Variants in PKIB observed in about 807,000 individuals in gnomAD.
The protein encoded by PKIB is PKI-beta.
PKIB carries 2 observed loss-of-function variants against 4.5 expected under a neutral mutation model. The observed-to-expected ratio is 0.44, with a 90% CI of 0.18 to 1.39. The LOEUF (loss-of-function observed/expected upper bound fraction) is 1.39. Among genes scored for constraint, PKIB ranks in the 40% most tolerant of loss-of-function variants. The pLI is 0.27. For synonymous variants in PKIB, 38 were observed against 36.0 expected, an observed-to-expected ratio of 1.06 and a Z score of -0.20; for missense variants, 94 against 92.6, an observed-to-expected ratio of 1.02 and a Z score of -0.06.
intron 2 of PKIB, among the ~76,000 whole-genome samples, chr6:122,534,250 A>G (rs920581401): frequency 2.0e-5 from 3 of 151,576 alleles, no homozygotes; most frequent in African/African-American, 2.4e-5. Context: ...TTTCTACACC[A>G]CAGCACAGGG....
chr6:122,663,457 A>G (rs1005379417), intron 2 of PKIB, among the ~76,000 whole-genome samples: 1 of 152,164 alleles, frequency 6.6e-6, no homozygotes, highest in African/African-American at 2.4e-5. Flanking sequence ...AGAAAGTACC[A>G]CAAACTGGGC....
intron 2 of PKIB, among the ~76,000 whole-genome samples, chr6:122,552,027 G>C (rs180767148): frequency 2.6e-5 from 4 of 151,976 alleles, no homozygotes; most frequent in Admixed American, 2.6e-4. Context: ...TTGGTTCTCT[G>C]CTCTCTCCAC....
intron 3 of PKIB, among the ~76,000 whole-genome samples, chr6:122,687,674 T>A (rs1271852102): frequency 2.6e-5 from 4 of 152,130 alleles, no homozygotes; most frequent in African/African-American, 9.7e-5. Context: ...ATTGTAGAGA[T>A]ATTTCACTTC....
chr6:122,524,985 T>C (rs1163138823), intron 2 of PKIB, among the ~76,000 whole-genome samples: 1 of 151,896 alleles, frequency 6.6e-6, no homozygotes, highest in Non-Finnish European at 1.5e-5. Context: ...TAATTTTTAT[T>C]ATTTTTTTCC....
At chr6:122,636,598 C>A (rs1380446392) in intron 2 of PKIB, among the ~76,000 whole-genome samples, 1 of 151,898 alleles carries the variant, frequency 6.6e-6, no homozygotes. Flanking sequence ...ATATTGTATT[C>A]TTGGATGAGA....
intron 2 of PKIB, among the ~76,000 whole-genome samples, chr6:122,650,760 A>C (rs1562285227): frequency 6.6e-6 from 1 of 152,182 alleles, no homozygotes; most frequent in Non-Finnish European, 1.5e-5. Context: ...CATCATGATG[A>C]AATGTGTGTC....
chr6:122,476,300 C>G (rs1035628918), intron 1 of PKIB, among the ~76,000 whole-genome samples: 2 of 151,770 alleles, frequency 1.3e-5, no homozygotes, highest in African/African-American at 2.4e-5. Context: ...AAGGATAAGC[C>G]AAAAATAGAT....
intron 2 of PKIB, among the ~76,000 whole-genome samples, chr6:122,583,843 A>T (rs1217059699): frequency 1.3e-5 from 2 of 152,128 alleles, no homozygotes; most frequent in Non-Finnish European, 2.9e-5. Flanking sequence ...AGAATAGAGC[A>T]AAGAGGCCAA....
chr6:122,705,836 A>G (rs1160036719), intron 3 of PKIB, among the ~76,000 whole-genome samples: 3 of 152,164 alleles, frequency 2.0e-5, no homozygotes, highest in African/African-American at 7.2e-5. Context: ...AAGTGCTGGG[A>G]TTACGGCATG....
chr6:122,561,307 A>G (rs1773005543), intron 2 of PKIB, among the ~76,000 whole-genome samples: 1 of 152,120 alleles, frequency 6.6e-6, no homozygotes, highest in Non-Finnish European at 1.5e-5. Flanking sequence ...CCCAATGCTC[A>G]TTCAGGAGCA....
intron 2 of PKIB, among the ~76,000 whole-genome samples, chr6:122,578,000 G>GA (rs1554221458): frequency 2.0e-5 from 3 of 147,810 alleles, no homozygotes; most frequent in Admixed American, 6.8e-5. Flanking sequence ...AGTTAGAGGA[G>GA]TTTTTTTTTT....
intron 2 of PKIB, among the ~76,000 whole-genome samples, chr6:122,652,532 C>T (rs1776601628): frequency 6.6e-6 from 1 of 152,066 alleles, no homozygotes; most frequent in African/African-American, 2.4e-5. Flanking sequence ...TGATGATAAT[C>T]TCCTTTACTT....
At chr6:122,498,260 T>C (rs949605728) in intron 2 of PKIB, among the ~76,000 whole-genome samples, 1 of 152,210 alleles carries the variant, frequency 6.6e-6, no homozygotes, top group Non-Finnish European at 1.5e-5. Context: ...CATATGGTGG[T>C]GGACAAGGGA....
At chr6:122,497,823 GA>G (rs1421094348) in intron 2 of PKIB, among the ~76,000 whole-genome samples, 1 of 152,086 alleles carries the variant, frequency 6.6e-6, no homozygotes, top group Non-Finnish European at 1.5e-5. Flanking sequence ...AAACTAATAA[GA>G]AAGTCTGGGC....
chr6:122,567,957 A>G (rs186879482), intron 2 of PKIB, among the ~76,000 whole-genome samples: 53 of 152,322 alleles, frequency 3.5e-4, no homozygotes, highest in African/African-American at 1.0e-3. Context: ...CTGTATAGCT[A>G]TATCACTCTA....
At chr6:122,542,730 A>G (rs1400818841) in intron 2 of PKIB, among the ~76,000 whole-genome samples, 3 of 151,850 alleles carry the variant, frequency 2.0e-5, no homozygotes, top group South Asian at 4.2e-4. Context: ...GAGAACCACT[A>G]CTCTCTTCAA....
intron 3 of PKIB, among the ~76,000 whole-genome samples, chr6:122,591,417 C>T (rs913002453): frequency 1.1e-4 from 17 of 152,014 alleles, no homozygotes; most frequent in African/African-American, 3.6e-4. Context: ...TAGATTTGAA[C>T]GTCTAAGTCA....
At chr6:122,557,763 A>C (rs976233391) in intron 2 of PKIB, among the ~76,000 whole-genome samples, 22 of 152,150 alleles carry the variant, frequency 1.4e-4, no homozygotes, top group Non-Finnish European at 2.9e-4. Flanking sequence ...CTGTCCTCAG[A>C]TTTACCTGCA....
At chr6:122,568,278 A>T (rs895234334) in intron 2 of PKIB, among the ~76,000 whole-genome samples, 2 of 152,152 alleles carry the variant, frequency 1.3e-5, no homozygotes, top group Non-Finnish European at 2.9e-5. Flanking sequence ...CACACCATAA[A>T]TTTTTTTCCA....
Sources: gnomAD v4.1 joint callset for allele counts (sites outside exome capture counted in the v4.1 genomes callset) on GRCh38, gnomAD v4.1.1 for gene constraint, MANE v1.5 for transcripts, NCBI Gene and HGNC (gene_info 2026-07-23, HGNC 2026-07-21) for gene names.